The following HMGCS1 variants were observed in gnomAD, a reference collection of about 807,000 sequenced individuals.
HMGCS1 encodes 3-hydroxy-3-methylglutaryl-CoA synthase 1, also known as hydroxymethylglutaryl-CoA synthase, cytoplasmic.
In HMGCS1, 9 loss-of-function variants were observed where a neutral mutation model predicts 52.3. The ratio of observed to expected loss-of-function variants is 0.17; its 90% CI spans 0.10 to 0.30. The LOEUF (loss-of-function observed/expected upper bound fraction) is 0.30, where lower values mean the gene tolerates loss of function less well. HMGCS1 is among the 10% of genes least tolerant of loss of function. HMGCS1 has a pLI of 1.00. For synonymous variants in HMGCS1, 176 were observed against 214.4 expected, an observed-to-expected ratio of 0.82 and a Z score of 1.57; for missense variants, 320 against 620.9, an observed-to-expected ratio of 0.52 and a Z score of 5.15.
intron 4 of HMGCS1, 29 bp from the exon 5 acceptor site, chr5:43,297,195 T>C (rs1399344647): frequency 3.8e-6 from 6 of 1,582,340 alleles, no homozygotes; most frequent in South Asian, 1.1e-5. Flanking sequence ...AAGATGTCTA[T>C]ATATTTCTGC....
intron 2 of HMGCS1, among the ~76,000 whole-genome samples, chr5:43,302,089 C>T (rs751203955): frequency 2.0e-5 from 3 of 152,206 alleles, no homozygotes; most frequent in Non-Finnish European, 4.4e-5. Flanking sequence ...TGCTTTCGTT[C>T]CTGTCATTTC....
At chr5:43,300,229 T>G (rs927865861) in intron 2 of HMGCS1, among the ~76,000 whole-genome samples, 1 of 152,108 alleles carries the variant, frequency 6.6e-6, no homozygotes, top group Non-Finnish European at 1.5e-5. Context: ...CTTTGAAGAG[T>G]GGCACAGCTC....
intron 1 of HMGCS1, among the ~76,000 whole-genome samples, chr5:43,312,770 G>C (rs1342185088): frequency 6.6e-6 from 1 of 152,218 alleles, no homozygotes; most frequent in Non-Finnish European, 1.5e-5. Flanking sequence ...CTGAGCCCCA[G>C]TACTTAGCCA....
rs75290708 is a variant in HMGCS1 at position 43,297,854 on chromosome 5, G to GA, written c.574+154dup. On this transcript the variant is annotated intron_variant, in intron 4 of 10. Coordinates refer to ENST00000325110, the MANE Select transcript of HMGCS1 (RefSeq NM_001098272.3). ...ACTCGGTCTCAAAAAAAAAAAAAAA[G>GA]AAAAAAAAACATAAATATGATAACA... Among the ~76,000 whole-genome samples, 545 of 143,002 alleles carry GA rather than the reference G, an allele frequency of 3.8e-3. 4 individuals carry two copies. The highest frequency in any genetic ancestry group is 0.013 in the African/African-American group (512 of 38,534). The allele number at this position is 143,002 out of a possible 152,430, so 93.8% of individuals were successfully genotyped here. A position where few individuals can be genotyped will look rare whatever the true frequency, so the allele number is the denominator to read the frequency against.
At chr5:43,297,818 A>C (rs1754104775) in intron 4 of HMGCS1, among the ~76,000 whole-genome samples, 191 bp downstream of exon 4, 1 of 151,612 alleles carries the variant, frequency 6.6e-6, no homozygotes, top group Non-Finnish European at 1.5e-5. Context: ...AGCTTGGGCA[A>C]CAAGAGTGAA....
At chr5:43,291,319 C>A (rs1753756139) in intron 10 of HMGCS1, 99 bp from the exon 11 acceptor site, 2 of 771,244 alleles carry the variant, frequency 2.6e-6, no homozygotes, top group Admixed American at 3.9e-5. Context: ...TAATAAAGGA[C>A]AACTCTGGAG....
chr5:43,305,521 G>A (rs921069837), intron 2 of HMGCS1, among the ~76,000 whole-genome samples: 9 of 151,908 alleles, frequency 5.9e-5, no homozygotes, highest in Admixed American at 5.9e-4. Context: ...TGTAATCCCA[G>A]CACTTTGGGA....
intron 1 of HMGCS1, among the ~76,000 whole-genome samples, chr5:43,311,361 G>T (rs1754860625): frequency 6.6e-6 from 1 of 151,388 alleles, no homozygotes; most frequent in African/African-American, 2.4e-5. Flanking sequence ...CTATCATTAG[G>T]ACAGGTAATA....
At position 43,287,633 on chromosome 5, in the gene HMGCS1, T is replaced by G. The variant is rs536698806; in HGVS notation, c.*3498A>C. 1 of 152,250 alleles carries G rather than the reference T, an allele frequency of 6.6e-6. No homozygotes were observed. Among genetic ancestry groups the G allele is most frequent in the East Asian group, 1.9e-4 (1 of 5,198 alleles). The allele number at this position is 152,250 out of a possible 1,614,324, so 9.4% of individuals were successfully genotyped here. On this transcript the variant is annotated 3_prime_UTR_variant, in exon 11 of 11. Transcript: ENST00000325110. ...TTACGAAATGCATTTCAGAACTGTC[T>G]GCCCAGGTGATGAAAAGAGTAATCA...
chr5:43,300,625 A>AC (rs1754265813), intron 2 of HMGCS1, among the ~76,000 whole-genome samples: 2 of 151,958 alleles, frequency 1.3e-5, no homozygotes, highest in Non-Finnish European at 2.9e-5. Flanking sequence ...CTCTGTCTCA[A>AC]CAAAAAAAAT....
chr5:43,296,802 C>T (rs892581821), intron 5 of HMGCS1, among the ~76,000 whole-genome samples, 200 bp downstream of exon 5: 7 of 152,176 alleles, frequency 4.6e-5, no homozygotes, highest in African/African-American at 1.7e-4. Flanking sequence ...CAGAGATACA[C>T]CTCAGTTCCA....
At chr5:43,296,313 T>G (rs1754030169) in intron 5 of HMGCS1, among the ~76,000 whole-genome samples, 1 of 152,176 alleles carries the variant, frequency 6.6e-6, no homozygotes, top group South Asian at 2.1e-4. Context: ...CAATGTAACA[T>G]GTACTTCTTA....
chr5:43,293,952 T>C, intron 8 of HMGCS1, 104 bp downstream of exon 8: 1 of 715,196 alleles, frequency 1.4e-6, no homozygotes, highest in Admixed American at 2.1e-5. Context: ...TGACCTCAGG[T>C]GATCTGCCCG....
intron 2 of HMGCS1, among the ~76,000 whole-genome samples, chr5:43,300,480 T>A (rs745992457): frequency 1.3e-5 from 2 of 152,194 alleles, no homozygotes; most frequent in Non-Finnish European, 2.9e-5. Flanking sequence ...ATTTGTCCTC[T>A]GCTGCTCTGC....
At chr5:43,310,458 G>T (rs150042789) in intron 1 of HMGCS1, among the ~76,000 whole-genome samples, 1 of 152,174 alleles carries the variant, frequency 6.6e-6, no homozygotes, top group African/African-American at 2.4e-5. Context: ...TCTTTTGGGA[G>T]AGGGGCTATA....
At position 43,291,079 on chromosome 5, in the gene HMGCS1, A is replaced by ACCCCCCCCCCCCTGCCC; in HGVS notation, c.*51_*52insGGGCAGGGGGGGGGGGG. The ACCCCCCCCCCCCTGCCC allele has an allele frequency of 1.3e-6, 1 of 780,104 alleles. No individual in the cohort carries two copies. The highest frequency in any genetic ancestry group is 1.8e-5 in the Admixed American group (1 of 56,506). The allele number at this position is 780,104 out of a possible 1,614,324, so 48.3% of individuals were successfully genotyped here. ...ATCCCATTCCTCCAACTGTTCCCAT[A>ACCCCCCCCCCCCTGCCC]CCCCCACCCCATGCCCACCCCACCC... On this transcript the variant is annotated 3_prime_UTR_variant, in exon 11 of 11. Transcript: ENST00000325110.
Position 43,298,860 on chromosome 5 carries a change from A to G in HMGCS1, c.106T>C (p.Leu36=). The G allele has an allele frequency of 1.2e-6, 2 of 1,614,060 alleles. No homozygotes were observed. The highest frequency in any genetic ancestry group is 1.3e-5 in the African/African-American group (1 of 75,020). ...GCATCTACACCATCATATTTTTCCAACTCTGCTTGATCAACATATTGAGAA... is the reference window on the plus strand; with the variant it reads ...GCATCTACACCATCATATTTTTCCAGCTCTGCTTGATCAACATATTGAGAA... ...FPSQYVDQAE[L]EKYDGVDAGK... is the part of the protein sequence containing the mutation. Residue 36 remains leucine, a synonymous_variant, in exon 3 of 11, where the codon TTG becomes CTG. Coordinates refer to ENST00000325110, the MANE Select transcript of HMGCS1 (RefSeq NM_001098272.3). The surrounding 1 kb of genome is among the most constrained non-coding windows in gnomAD (Gnocchi z 5.6).
intron 2 of HMGCS1, among the ~76,000 whole-genome samples, chr5:43,303,595 A>C (rs952712214): frequency 1.3e-5 from 2 of 152,228 alleles, no homozygotes; most frequent in African/African-American, 4.8e-5. Context: ...CAAGCTCCTT[A>C]AGGTCTCCTC....
chr5:43,294,094 G>C lies in HMGCS1; in HGVS notation c.1145C>G (p.Thr382Ser). ...TTGTGTGACTTTAAGAGAGTACAGA[G>C]TGGCAGCCAAACCAGAACCATAAGA... ...VFSYGSGLAA[T>S]LYSLKVTQDA... The change falls in exon 8 of 11, where the codon ACT becomes AGT. Residue 382 changes from threonine to serine, a missense_variant. By Grantham distance (58) the Thr-to-Ser change is moderately conservative. Coordinates refer to ENST00000325110, the MANE Select transcript of HMGCS1 (RefSeq NM_001098272.3). 2 of 1,613,042 alleles carry C rather than the reference G, an allele frequency of 1.2e-6. No individual in the cohort carries two copies. Among genetic ancestry groups the C allele is most frequent in the Non-Finnish European group, 8.5e-7 (1 of 1,179,024 alleles).
Sources: allele counts gnomAD v4.1 joint callset (sites outside exome capture counted in the v4.1 genomes callset), GRCh38; gene constraint gnomAD v4.1.1; non-coding constraint Gnocchi (gnomAD v3.1); transcripts MANE v1.5; gene names NCBI Gene and HGNC (gene_info 2026-07-23, HGNC 2026-07-21).